Variants in KCND2 observed in about 807,000 individuals in gnomAD.
The protein encoded by KCND2 is potassium voltage-gated channel subfamily D member 2, also known as A-type voltage-gated potassium channel KCND2.
Under a neutral mutation model 54.4 loss-of-function variants are expected in KCND2, and 16 were observed. The ratio of observed to expected loss-of-function variants is 0.29; its 90% CI spans 0.20 to 0.45. The LOEUF (loss-of-function observed/expected upper bound fraction) is 0.45. KCND2 is among the 20% of genes least tolerant of loss of function. KCND2 has a pLI of 1.00. For missense variants in KCND2, 486 were observed against 824.2 expected, an observed-to-expected ratio of 0.59 and a Z score of 5.02; for synonymous variants, 317 against 310.7, an observed-to-expected ratio of 1.02 and a Z score of -0.21.
At chr7:120,713,666 C>A (rs568988963) in intron 1 of KCND2, among the ~76,000 whole-genome samples, 6 of 152,266 alleles carry the variant, frequency 3.9e-5, no homozygotes, top group Non-Finnish European at 7.4e-5. Flanking sequence ...GTAAAACCGC[C>A]ACTCAAATGA....
At chr7:120,569,698 G>A (rs1196158438) in intron 1 of KCND2, among the ~76,000 whole-genome samples, 1 of 152,074 alleles carries the variant, frequency 6.6e-6, no homozygotes, top group African/African-American at 2.4e-5. Flanking sequence ...CTGAGTCAGA[G>A]AATAGTAAAG....
intron 1 of KCND2, among the ~76,000 whole-genome samples, chr7:120,325,853 C>T (rs574719058): frequency 6.6e-6 from 1 of 152,122 alleles, no homozygotes; most frequent in Non-Finnish European, 1.5e-5. Flanking sequence ...TGGGGTCAAA[C>T]TTGGGTCCTA....
At chr7:120,619,474 C>G (rs934801693) in intron 1 of KCND2, among the ~76,000 whole-genome samples, 2 of 152,216 alleles carry the variant, frequency 1.3e-5, no homozygotes, top group African/African-American at 2.4e-5. Context: ...GCTTTTTACT[C>G]TAACAGTAAC....
At chr7:120,345,402 TGTG>T (rs1185844148) in intron 1 of KCND2, among the ~76,000 whole-genome samples, 1 of 152,160 alleles carries the variant, frequency 6.6e-6, no homozygotes, top group African/African-American at 2.4e-5. Context: ...GAAAAAAAAT[TGTG>T]GTAACATCTA....
intron 1 of KCND2, among the ~76,000 whole-genome samples, chr7:120,704,939 G>T (rs1235154591): frequency 1.3e-5 from 2 of 152,090 alleles, no homozygotes; most frequent in African/African-American, 2.4e-5. Context: ...ATGATATAAA[G>T]AGTAAATCTT....
chr7:120,402,736 C>T (rs1050723836), intron 1 of KCND2, among the ~76,000 whole-genome samples: 1 of 152,094 alleles, frequency 6.6e-6, no homozygotes, highest in African/African-American at 2.4e-5. Flanking sequence ...TAAAATGAAC[C>T]TGCAAATATT....
chr7:120,275,086 G>A lies in KCND2; in HGVS notation c.454G>A (p.Ala152Thr). ...RENAERLQDD[A>T]DTDTAGESAL... ...GAACGCCGAGCGCCTGCAGGACGACGCGGATACCGACACCGCTGGGGAGAG... is the reference window on the plus strand; with the variant it reads ...GAACGCCGAGCGCCTGCAGGACGACACGGATACCGACACCGCTGGGGAGAG... The change falls in exon 1 of 6, where the codon GCG (alanine) becomes ACG (threonine). Residue 152 changes from alanine to threonine, a missense_variant. Around this residue, in one of 7 missense-constraint regions of KCND2, gnomAD observed 231 missense variants for 386.0 expected, o/e 0.60. Transcript: ENST00000331113. The A allele has an allele frequency of 2.5e-6, 4 of 1,613,826 alleles. No homozygotes were observed. Among genetic ancestry groups the A allele is most frequent in the East Asian group, 2.2e-5 (1 of 44,834 alleles).
chr7:120,283,483 A>C (rs1427347308), intron 1 of KCND2, among the ~76,000 whole-genome samples: 2 of 152,154 alleles, frequency 1.3e-5, no homozygotes, highest in Non-Finnish European at 2.9e-5. Flanking sequence ...AGTTTTTTAT[A>C]TTTACCTTAG....
chr7:120,445,093 G>T (rs1257536081), intron 1 of KCND2, among the ~76,000 whole-genome samples: 7 of 151,930 alleles, frequency 4.6e-5, no homozygotes, highest in Admixed American at 1.3e-4. Context: ...TGTTATCCTC[G>T]ATATCACTAA....
chr7:120,510,593 G>A (rs952009016), intron 1 of KCND2, among the ~76,000 whole-genome samples: 4 of 151,966 alleles, frequency 2.6e-5, no homozygotes, highest in African/African-American at 9.7e-5. Flanking sequence ...AGTTTTCTTA[G>A]GAGGAGGGTG....
At chr7:120,706,103 G>A (rs1206027239) in intron 1 of KCND2, among the ~76,000 whole-genome samples, 2 of 152,058 alleles carry the variant, frequency 1.3e-5, no homozygotes, top group Non-Finnish European at 2.9e-5. Context: ...CATAGGAGAG[G>A]ATAGTACCCC....
At position 120,329,597 on chromosome 7, in the gene KCND2, G is replaced by A. The variant is rs114868917; in HGVS notation, c.1115+53850G>A. Among the ~76,000 whole-genome samples the A allele has an allele frequency of 8.4e-3, 1,277 of 152,126 alleles. 14 individuals are homozygous for A. Among genetic ancestry groups the A allele is most frequent in the African/African-American group, 0.029 (1,196 of 41,502 alleles). ...AGGAATTTTGTTCAATAAAATGAGG[G>A]CTAATATATCTTTTTCTGGTCATTT... On this transcript the variant is annotated intron_variant, in intron 1 of 5. Coordinates refer to ENST00000331113, the MANE Select transcript of KCND2 (RefSeq NM_012281.3).
intron 1 of KCND2, among the ~76,000 whole-genome samples, chr7:120,328,896 T>C (rs1243004710): frequency 6.6e-6 from 1 of 152,168 alleles, no homozygotes; most frequent in East Asian, 1.9e-4. Context: ...TTCAGTATTA[T>C]TTAACAAATC....
At chr7:120,346,711 C>T (rs991745800) in intron 1 of KCND2, among the ~76,000 whole-genome samples, 5 of 151,890 alleles carry the variant, frequency 3.3e-5, no homozygotes, top group African/African-American at 1.2e-4. Flanking sequence ...TTCTCCTCTT[C>T]TCTCTGTCTC....
At chr7:120,456,096 A>G (rs1456679117) in intron 1 of KCND2, among the ~76,000 whole-genome samples, 2 of 152,222 alleles carry the variant, frequency 1.3e-5, no homozygotes, top group African/African-American at 2.4e-5. Flanking sequence ...CATGAACCGT[A>G]TAAAGAAGGT....
At chr7:120,653,028 G>GGTGT (rs140936435) in intron 1 of KCND2, among the ~76,000 whole-genome samples, 2 of 150,778 alleles carry the variant, frequency 1.3e-5, no homozygotes, top group African/African-American at 4.9e-5. Flanking sequence ...ACTAAACAGT[G>GGTGT]GTGTGTGTGT....
chr7:120,508,891 A>ATTTTTTTTTTT (rs57245091), intron 1 of KCND2, among the ~76,000 whole-genome samples: 2 of 138,248 alleles, frequency 1.4e-5, no homozygotes, highest in African/African-American at 5.5e-5. Context: ...GCCTTTCACG[A>ATTTTTTTTTTT]TTTTTTTTTT....
At position 120,292,560 on chromosome 7, in the gene KCND2, T is replaced by C. The variant is rs144616315; in HGVS notation, c.1115+16813T>C. On this transcript the variant is annotated intron_variant, in intron 1 of 5. Transcript: ENST00000331113. ...CTTCTACCCATTTAAAGTTTCTCTT[T>C]CTACTGTATTTTCTACATTTATATG... 3.0e-3 allele frequency among the ~76,000 whole-genome samples: 450 copies of C among 152,024 alleles called. 7 individuals are homozygous for C. In the East Asian group the frequency reaches 0.042, roughly 14 times the overall value.
chr7:120,421,878 T>C (rs1241020137), intron 1 of KCND2, among the ~76,000 whole-genome samples: 1 of 152,000 alleles, frequency 6.6e-6, no homozygotes, highest in African/African-American at 2.4e-5. Context: ...GAAAGAAAAG[T>C]GTTCGGAGCT....
Sources: allele counts gnomAD v4.1 joint callset (sites outside exome capture counted in the v4.1 genomes callset), GRCh38; gene constraint gnomAD v4.1.1; regional missense constraint gnomAD v4.1.1; transcripts MANE v1.5; gene names NCBI Gene and HGNC (gene_info 2026-07-23, HGNC 2026-07-21).